Variants in GRIA3 observed in about 807,000 individuals in gnomAD.
GRIA3 encodes glutamate receptor 3.
A neutral mutation model predicts 63.0 loss-of-function variants in GRIA3; 3 were observed. That is an observed-to-expected ratio of 0.05 (90% CI 0.02 to 0.12). GRIA3 has a LOEUF of 0.12. Among genes scored for constraint, GRIA3 ranks in the 10% least tolerant of loss-of-function variants. GRIA3 has a pLI of 1.00. For missense variants in GRIA3, 347 were observed against 700.9 expected (o/e 0.50, Z 5.70); for synonymous variants, 274 against 257.9 (o/e 1.06, Z -0.60).
At chrX:123,250,198 A>G (rs2147280822) in intron 2 of GRIA3, among the ~76,000 whole-genome samples, 1 of 111,705 alleles carries the variant, frequency 9.0e-6, no homozygotes, top group African/African-American at 3.3e-5. Context: ...GATAAAAGTA[A>G]GTTACCAGTA....
intron 3 of GRIA3, among the ~76,000 whole-genome samples, chrX:123,274,086 T>A (rs886622937): frequency 1.2e-4 from 13 of 112,367 alleles, no homozygotes; most frequent in African/African-American, 4.2e-4. Context: ...CTGCCTAATT[T>A]AGGGTTACCA....
chrX:123,314,107 C>A (rs1169255001), intron 3 of GRIA3, among the ~76,000 whole-genome samples: 1 of 111,802 alleles, frequency 8.9e-6, no homozygotes, highest in Admixed American at 9.5e-5. Context: ...CAGCTCTCTG[C>A]CCCGGGTATC....
At chrX:123,429,135 A>C (rs1283608919) in intron 12 of GRIA3, among the ~76,000 whole-genome samples, 1 of 111,802 alleles carries the variant, frequency 8.9e-6, no homozygotes, top group African/African-American at 3.3e-5. Context: ...TAATCAAGTT[A>C]TTGGATGACA....
chrX:123,260,316 C>G (rs1569409484), intron 3 of GRIA3, among the ~76,000 whole-genome samples: 1 of 100,006 alleles, frequency 1.0e-5, no homozygotes, highest in Non-Finnish European at 2.0e-5. Flanking sequence ...CTATCATGAA[C>G]TTCTTTAAAG....
intron 2 of GRIA3, among the ~76,000 whole-genome samples, chrX:123,240,076 G>C (rs1222423700): frequency 9.0e-6 from 1 of 111,711 alleles, no homozygotes; most frequent in Non-Finnish European, 1.9e-5. Context: ...TTTGTTCTTA[G>C]ATTCGAGCTA....
At chrX:123,336,962 T>C (rs1040065755) in intron 4 of GRIA3, among the ~76,000 whole-genome samples, 1 of 112,001 alleles carries the variant, frequency 8.9e-6, no homozygotes, top group Non-Finnish European at 1.9e-5. Flanking sequence ...TGCACCTCAT[T>C]TCTTAAGGGG....
chrX:123,284,329 G>C (rs2044604748), intron 3 of GRIA3, among the ~76,000 whole-genome samples: 1 of 111,689 alleles, frequency 9.0e-6, no homozygotes, highest in Admixed American at 9.5e-5. Context: ...CCAAAAACCA[G>C]AATGCCTCTT....
intron 5 of GRIA3, among the ~76,000 whole-genome samples, chrX:123,393,376 A>T (rs934706374): frequency 8.9e-6 from 1 of 112,463 alleles, no homozygotes; most frequent in African/African-American, 3.2e-5. Context: ...AGATATGTGC[A>T]CTTCTCTATA....
At chrX:123,204,921 G>A (rs1176380324) in intron 2 of GRIA3, among the ~76,000 whole-genome samples, 1 of 111,133 alleles carries the variant, frequency 9.0e-6, no homozygotes, top group Non-Finnish European at 1.9e-5. Context: ...TAATTAATTG[G>A]AAACATGCAT....
chrX:123,360,519 TAAAAAAAAAAAA>T lies in GRIA3; in HGVS notation c.750+5571_750+5582del, dbSNP rs752270406. On this transcript the variant is annotated intron_variant, in intron 5 of 15. Coordinates refer to ENST00000620443, the MANE Select transcript of GRIA3 (RefSeq NM_007325.5). ...AATATGATGAAACCCTGTCTCTACT[TAAAAAAAAAAAA>T]AAAAAAAAAAAAAACTTAGCCAGGC... Among the ~76,000 whole-genome samples the T allele has an allele frequency of 6.4e-3, 269 of 42,335 alleles. 3 individuals carry two copies. The highest frequency in any genetic ancestry group is 0.028 in the African/African-American group (258 of 9,337). The allele number at this position is 42,335 out of a possible 115,157, so 36.8% of individuals were successfully genotyped here.
chrX:123,438,695 G>A (rs2045658038), intron 12 of GRIA3, among the ~76,000 whole-genome samples: 1 of 111,649 alleles, frequency 9.0e-6, no homozygotes, highest in Admixed American at 9.4e-5. Flanking sequence ...ACTAATTTTT[G>A]TATTTTTAGT....
chrX:123,304,418 T>C (rs1179080378), intron 3 of GRIA3, among the ~76,000 whole-genome samples: 1 of 111,962 alleles, frequency 8.9e-6, no homozygotes. Context: ...TCTGATGTCC[T>C]GCGATTATAC....
intron 2 of GRIA3, among the ~76,000 whole-genome samples, chrX:123,249,416 C>T (rs1262116422): frequency 1.8e-5 from 2 of 111,794 alleles, no homozygotes; most frequent in African/African-American, 6.5e-5. Flanking sequence ...TTCCATTCAA[C>T]CCTACTTTTG....
intron 2 of GRIA3, among the ~76,000 whole-genome samples, chrX:123,200,576 C>CAT (rs1230798490): frequency 5.5e-5 from 5 of 91,163 alleles, no homozygotes; most frequent in African/African-American, 1.6e-4. Context: ...TATATGAGCC[C>CAT]ATATATATAC....
chrX:123,361,723 T>C (rs2045175926), intron 5 of GRIA3, among the ~76,000 whole-genome samples: 1 of 110,934 alleles, frequency 9.0e-6, no homozygotes, highest in African/African-American at 3.3e-5. Flanking sequence ...CTGCCTGAAA[T>C]TAACAAGGAA....
rs944123878 is a variant in GRIA3, at chrX:123,478,893, C to T, written c.2325-1170C>T. On this transcript the variant is annotated intron_variant, in intron 13 of 15. Coordinates refer to ENST00000620443, the MANE Select transcript of GRIA3 (RefSeq NM_007325.5). ...ATTATGCCACCCTCTCTACATGGTG[C>T]ATTTTTTATCCCAAGTCATTAAAGA... 4.4e-5 allele frequency among the ~76,000 whole-genome samples: 5 copies of T among 112,988 alleles called. No homozygotes were observed. In the Admixed American group the frequency reaches 4.7e-4, roughly 11 times the overall value.
chrX:123,355,443 A>G (rs745674789), intron 5 of GRIA3, among the ~76,000 whole-genome samples: 1 of 112,364 alleles, frequency 8.9e-6, no homozygotes, highest in South Asian at 3.7e-4. Flanking sequence ...CCACCTTTCT[A>G]CTTACATAAA....
At chrX:123,378,434 A>G (rs148225663) in intron 5 of GRIA3, among the ~76,000 whole-genome samples, 33,651 of 99,497 alleles carry the variant, frequency 0.34, 5,072 homozygotes, top group Non-Finnish European at 0.42. Flanking sequence ...TTTTTGAGAC[A>G]CAGTCTCACT....
intron 3 of GRIA3, among the ~76,000 whole-genome samples, chrX:123,311,687 A>G (rs985079123): frequency 9.8e-5 from 11 of 112,248 alleles, no homozygotes; most frequent in Admixed American, 8.5e-4. Context: ...GAAACATACC[A>G]TTAGCCAGAG....
Sources: gnomAD v4.1 joint callset for allele counts (sites outside exome capture counted in the v4.1 genomes callset) on GRCh38, gnomAD v4.1.1 for gene constraint, MANE v1.5 for transcripts, NCBI Gene and HGNC (gene_info 2026-07-23, HGNC 2026-07-21) for gene names.